The following DKK4 variants were observed in gnomAD, a reference collection of about 807,000 sequenced individuals.
DKK4 encodes dickkopf Wnt signaling pathway inhibitor 4.
A neutral mutation model predicts 14.5 loss-of-function variants in DKK4; 15 were observed. That is an observed-to-expected ratio of 1.03 (90% CI 0.69 to 1.59). DKK4 has a LOEUF of 1.59. Among genes scored for constraint, DKK4 ranks in the 40% most tolerant of loss-of-function variants. The pLI is 0.00. For synonymous variants in DKK4, 89 were observed against 105.2 expected, an observed-to-expected ratio of 0.85 and a Z score of 0.94; for missense variants, 272 against 280.3, an observed-to-expected ratio of 0.97 and a Z score of 0.21.
At position 42,375,734 on chromosome 8, in the gene DKK4, G is replaced by T. The variant is rs770888126; in HGVS notation, c.208C>A (p.Arg70=). The change falls in exon 2 of 4, where the codon CGG becomes AGG. Residue 70 remains arginine (R), a synonymous_variant. Coordinates refer to ENST00000220812, the MANE Select transcript of DKK4 (RefSeq NM_014420.3). ...KPFCATCRGL[R]RRCQRDAMCC... is the part of the protein sequence containing the mutation. ...ATGGCATCTCGCTGGCACCTCCTCC[G>T]CAACCCACGACATGTAGCACAGAAC... is the stretch of plus-strand genomic sequence containing the variant. 6.2e-7 allele frequency: 1 copy of T among 1,613,948 alleles called. No homozygotes were observed. The highest frequency in any genetic ancestry group is 8.5e-7 in the Non-Finnish European group (1 of 1,180,026).
rs1363579690 is a variant in DKK4 at position 42,374,292 on chromosome 8, A to C, written c.483T>G (p.Phe161Leu). The C allele has an allele frequency of 1.2e-6, 2 of 1,611,846 alleles. No homozygotes were observed. The highest frequency in any genetic ancestry group is 1.7e-6 in the Non-Finnish European group (2 of 1,178,920). Residue 161 changes from phenylalanine (F) to leucine (L), a missense_variant, in exon 4 of 4, where the codon TTT becomes TTG. Coordinates refer to ENST00000220812, the MANE Select transcript of DKK4 (RefSeq NM_014420.3). ...CGPGLCCARH[F>L]WTKICKPVLL... ...GGACTGGCTTACAAATTTTCGTCCA[A>C]AAATGACGAGCACAGCAAAGTCCAG...
chr8:42,375,961 C>G (rs1282084612), intron 1 of DKK4, 131 bp from the exon 2 acceptor site: 3 of 1,211,448 alleles, frequency 2.5e-6, no homozygotes, highest in South Asian at 1.5e-5. Flanking sequence ...CAGCATCTTA[C>G]TCTCCAGTGG....
At chr8:42,375,870 CA>C (rs1316971645) in intron 1 of DKK4, 40 bp from the exon 2 acceptor site, 1 of 1,606,302 alleles carries the variant, frequency 6.2e-7, no homozygotes, top group Non-Finnish European at 8.5e-7. Flanking sequence ...AGGAAACCCC[CA>C]ACACGATGGA....
Position 42,374,356 on chromosome 8 carries a change from T to C in DKK4, c.419A>G (p.Gln140Arg), listed in dbSNP as rs905191716. 2 of 1,613,122 alleles carry C rather than the reference T, an allele frequency of 1.2e-6. No individual in the cohort carries two copies. The highest frequency in any genetic ancestry group is 2.7e-5 in the African/African-American group (2 of 74,806). The part of the protein sequence containing the change: ...SIKKSQGRKG[Q>R]EGESCLRTFD... ...AGTTCTCAGACAACTTTCTCCCTCT[T>C]GTCCTGTAACAAGGTTAATGTGGGC... Residue 140 changes from glutamine (Q) to arginine (R), a missense_variant, in exon 4 of 4, where the codon CAA becomes CGA. Gln to Arg is a conservative substitution (Grantham distance 43). Coordinates refer to ENST00000220812, the MANE Select transcript of DKK4 (RefSeq NM_014420.3).
chr8:42,380,634 A>G (rs1312954244), upstream of DKK4, among the ~76,000 whole-genome samples: 1 of 139,214 alleles, frequency 7.2e-6, no homozygotes, highest in Non-Finnish European at 1.5e-5. Context: ...AGAAAGAAAG[A>G]GGAAAGAAAG....
chr8:42,379,100 A>G (rs964354821), upstream of DKK4, among the ~76,000 whole-genome samples: 2 of 150,340 alleles, frequency 1.3e-5, no homozygotes, highest in African/African-American at 4.9e-5. Context: ...AAAATATAAA[A>G]ACTAGTCGGG....
chr8:42,387,720 G>A, the DKK4 span, among the ~76,000 whole-genome samples: 5 of 152,070 alleles, frequency 3.3e-5, no homozygotes, highest in Admixed American at 3.3e-4. Flanking sequence ...AACTGGACAG[G>A]ACTAGAGGGA....
upstream of DKK4, among the ~76,000 whole-genome samples, chr8:42,379,415 A>AGAG (rs1554539708): frequency 3.8e-5 from 5 of 132,684 alleles, no homozygotes; most frequent in African/African-American, 1.4e-4. Flanking sequence ...AGAGAGAGAG[A>AGAG]GAGAGAGAGA....
upstream of DKK4, among the ~76,000 whole-genome samples, chr8:42,377,545 G>A (rs1003454275): frequency 3.3e-5 from 5 of 152,180 alleles, no homozygotes; most frequent in Non-Finnish European, 7.3e-5. Flanking sequence ...TAGGGAGGGA[G>A]TCTGCCCTAA....
chr8:42,388,663 C>T, the DKK4 span, among the ~76,000 whole-genome samples: 11,392 of 151,968 alleles, frequency 0.075, 744 homozygotes, highest in African/African-American at 0.17. Flanking sequence ...CTCCGCCTCC[C>T]AGGTTCAAGT....
upstream of DKK4, among the ~76,000 whole-genome samples, chr8:42,380,752 G>A (rs182014606): frequency 6.2e-3 from 904 of 146,064 alleles, 6 homozygotes; most frequent in African/African-American, 0.021. Context: ...TGGAAAGAGA[G>A]AGAGAGAGAG....
At chr8:42,385,393 A>G in the DKK4 span, among the ~76,000 whole-genome samples, 1 of 152,126 alleles carries the variant, frequency 6.6e-6, no homozygotes, top group Admixed American at 6.6e-5. Context: ...CCCCGTCTCA[A>G]AAAAAGAGAA....
chr8:42,374,744 G>A lies in DKK4; in HGVS notation c.415+17C>T, dbSNP rs1824523702. On this transcript the variant is annotated intron_variant, in intron 3 of 3. Transcript: ENST00000220812. Reference sequence around the variant, plus strand: ...ATGCATTTCTGAAATAAAATATGCTGCGAATGCTGTTCTTACCCTTCCTGC... The same window carrying A: ...ATGCATTTCTGAAATAAAATATGCTACGAATGCTGTTCTTACCCTTCCTGC... 1.2e-6 allele frequency: 2 copies of A among 1,613,808 alleles called. No homozygotes were observed. Among genetic ancestry groups the A allele is most frequent in the African/African-American group, 1.3e-5 (1 of 74,878 alleles).
chr8:42,383,161 G>A, the DKK4 span, among the ~76,000 whole-genome samples: 8 of 152,210 alleles, frequency 5.3e-5, no homozygotes, highest in East Asian at 3.8e-4. Context: ...CAGACAAACC[G>A]CAGGATGTGA....
upstream of DKK4, among the ~76,000 whole-genome samples, chr8:42,377,784 C>T (rs1824592078): frequency 1.3e-5 from 2 of 152,212 alleles, no homozygotes; most frequent in Non-Finnish European, 2.9e-5. Context: ...AGCACCTGTT[C>T]TGACTAAATG....
In DKK4 at chr8:42,376,918, C is replaced by A. The variant is rs369841282; in HGVS notation, c.111+17G>T. On this transcript the variant is annotated intron_variant, in intron 1 of 3. Transcript: ENST00000220812. ...GTCAGCAGTCCCGTACCTCGCCCCC[C>A]TCCCTAGCAGCCTTACCTTCCGGGC... 8 of 1,609,206 alleles carry A rather than the reference C, an allele frequency of 5.0e-6. No individual in the cohort carries two copies. Among genetic ancestry groups the A allele is most frequent in the African/African-American group, 2.7e-5 (2 of 74,822 alleles).
chr8:42,377,162 C>A lies in DKK4; in HGVS notation c.-117G>T. On this transcript the variant is annotated 5_prime_UTR_variant, in exon 1 of 4. Coordinates refer to ENST00000220812, the MANE Select transcript of DKK4 (RefSeq NM_014420.3). Reference sequence around the variant, plus strand: ...GCAGCTCAGCACGTCGTCTGTTTGTCACTGCTTTTTCTGAAAGAAGTAAAC... The same window carrying A: ...GCAGCTCAGCACGTCGTCTGTTTGTAACTGCTTTTTCTGAAAGAAGTAAAC... The A allele has an allele frequency of 1.3e-6, 1 of 771,652 alleles. No individual in the cohort carries two copies. Among genetic ancestry groups the A allele is most frequent in the South Asian group, 1.7e-5 (1 of 58,050 alleles). 47.8% of individuals were successfully genotyped at this position (771,652 alleles called of 1,614,324 possible).
At chr8:42,376,601 G>A (rs949204943) in intron 1 of DKK4, among the ~76,000 whole-genome samples, 8 of 152,054 alleles carry the variant, frequency 5.3e-5, no homozygotes, top group Non-Finnish European at 4.4e-5. Flanking sequence ...CTGGAATTAG[G>A]GAATGTTTCA....
rs1441080707 is a variant in DKK4 at position 42,377,200 on chromosome 8, A to G, written c.-155T>C. ...GAAAGAAGTAAACCTTAGTCTGAGT[A>G]AGGTGCGTGAAATCGGCTGAGCAAA... On this transcript the variant is annotated 5_prime_UTR_variant, in exon 1 of 4. Coordinates refer to ENST00000220812, the MANE Select transcript of DKK4 (RefSeq NM_014420.3). 3.2e-6 allele frequency: 2 copies of G among 615,668 alleles called. No individual in the cohort carries two copies. The highest frequency in any genetic ancestry group is 5.6e-6 in the Non-Finnish European group (2 of 356,732). The allele number at this position is 615,668 out of a possible 1,614,324, so 38.1% of individuals were successfully genotyped here.
Sources: allele counts gnomAD v4.1 joint callset (sites outside exome capture counted in the v4.1 genomes callset), GRCh38; gene constraint gnomAD v4.1.1; transcripts MANE v1.5; gene names NCBI Gene and HGNC (gene_info 2026-07-23, HGNC 2026-07-21).